The following EEPD1 variants were observed in gnomAD, a reference collection of about 807,000 sequenced individuals.
EEPD1 encodes endonuclease/exonuclease/phosphatase family domain containing 1.
Under a neutral mutation model 46.3 loss-of-function variants are expected in EEPD1, and 17 were observed. The observed-to-expected ratio is 0.37, with a 90% confidence interval of 0.25 to 0.55. The LOEUF is 0.55. Ranked by LOEUF, EEPD1 falls within the 20% of genes least tolerant of loss-of-function variation. The probability of loss-of-function intolerance (pLI) is 0.83; values close to 1 mark genes in which losing one functional copy is unlikely to be tolerated. For missense variants in EEPD1, 673 were observed against 745.6 expected (o/e 0.90, Z 1.13); for synonymous variants, 313 against 315.6 (o/e 0.99, Z 0.09).
chr7:36,199,095 C>T (rs1785665611), intron 2 of EEPD1, among the ~76,000 whole-genome samples: 1 of 152,092 alleles, frequency 6.6e-6, no homozygotes, highest in Admixed American at 6.5e-5. Flanking sequence ...TGCATGCACA[C>T]ATTCTTCCAC....
chr7:36,259,843 TAA>T (rs1786891855), intron 3 of EEPD1, among the ~76,000 whole-genome samples: 1 of 152,218 alleles, frequency 6.6e-6, no homozygotes, highest in South Asian at 2.1e-4. Context: ...TTATGTCTTC[TAA>T]AGTAGATAAG....
rs146789506 is a variant in EEPD1 at position 36,266,070 on chromosome 7, G to A, written c.931-15045G>A. ...GGGCATGTCTGGTGCAAATCATGGC[G>A]TGGCCATCCCTGTGTTTCCGCTCTC... On this transcript the variant is annotated intron_variant, in intron 3 of 7. Coordinates refer to ENST00000242108, the MANE Select transcript of EEPD1 (RefSeq NM_030636.3). Among the ~76,000 whole-genome samples, 529 of 152,208 alleles carry A rather than the reference G, an allele frequency of 3.5e-3. 3 individuals carry two copies. The highest frequency in any genetic ancestry group is 0.012 in the African/African-American group (494 of 41,512).
At chr7:36,254,414 T>G (rs1400933703) in intron 3 of EEPD1, among the ~76,000 whole-genome samples, 1 of 152,204 alleles carries the variant, frequency 6.6e-6, no homozygotes, top group African/African-American at 2.4e-5. Flanking sequence ...TTTCTGAGAA[T>G]GATGGTTTCC....
intron 2 of EEPD1, among the ~76,000 whole-genome samples, chr7:36,197,151 A>G (rs1178276211): frequency 7.4e-6 from 1 of 134,606 alleles, no homozygotes; most frequent in Non-Finnish European, 1.6e-5. Flanking sequence ...GCCCCGTCTG[A>G]GAAGTGAGGA....
intron 2 of EEPD1, among the ~76,000 whole-genome samples, chr7:36,169,949 T>C (rs1055663458): frequency 1.3e-5 from 2 of 152,228 alleles, no homozygotes; most frequent in African/African-American, 4.8e-5. Flanking sequence ...CAGGTGAGCT[T>C]TAGAAATTTC....
chr7:36,187,903 TCTC>T (rs1185439618), intron 2 of EEPD1, among the ~76,000 whole-genome samples: 1 of 152,184 alleles, frequency 6.6e-6, no homozygotes. Context: ...TTCAAGCGAT[TCTC>T]CTGCCTCAGC....
chr7:36,207,742 A>G (rs1317629826), intron 2 of EEPD1, among the ~76,000 whole-genome samples: 1 of 152,178 alleles, frequency 6.6e-6, no homozygotes, highest in Non-Finnish European at 1.5e-5. Context: ...TCATCATGCT[A>G]AAGTTCAGTA....
intron 2 of EEPD1, among the ~76,000 whole-genome samples, chr7:36,200,804 C>T (rs1057083794): frequency 4.5e-4 from 68 of 152,312 alleles, no homozygotes; most frequent in African/African-American, 1.6e-3. Context: ...CTGCTCATTG[C>T]TCCACGAGCC....
chr7:36,295,812 C>T (rs931864178), intron 6 of EEPD1, among the ~76,000 whole-genome samples: 4 of 152,050 alleles, frequency 2.6e-5, no homozygotes, highest in Non-Finnish European at 5.9e-5. Context: ...GGACGGATCA[C>T]TTGAGGTCAG....
intron 3 of EEPD1, among the ~76,000 whole-genome samples, chr7:36,278,110 G>A (rs1787208706): frequency 6.6e-6 from 1 of 152,192 alleles, no homozygotes; most frequent in Non-Finnish European, 1.5e-5. Flanking sequence ...TAGGTCAGGG[G>A]TAGAGCCTGA....
intron 2 of EEPD1, among the ~76,000 whole-genome samples, chr7:36,174,540 C>G (rs1179508041): frequency 6.6e-6 from 1 of 152,146 alleles, no homozygotes; most frequent in Non-Finnish European, 1.5e-5. Flanking sequence ...TTACACAGGC[C>G]CTGGTCTCCG....
chr7:36,291,005 C>T (rs749005607), intron 6 of EEPD1, among the ~76,000 whole-genome samples: 2 of 152,258 alleles, frequency 1.3e-5, no homozygotes, highest in Middle Eastern at 3.4e-3. Context: ...GTAAGAAATC[C>T]GATGTGCTCA....
At chr7:36,227,097 CAG>C (rs1554316471) in intron 2 of EEPD1, among the ~76,000 whole-genome samples, 2 of 151,970 alleles carry the variant, frequency 1.3e-5, no homozygotes, top group Non-Finnish European at 2.9e-5. Flanking sequence ...GAAACAGATG[CAG>C]AGGTGATTAT....
At chr7:36,160,693 A>G (rs1784891269) in intron 2 of EEPD1, among the ~76,000 whole-genome samples, 1 of 137,934 alleles carries the variant, frequency 7.2e-6, no homozygotes, top group Admixed American at 7.1e-5. Flanking sequence ...CGGGGCGTGC[A>G]TGGAGAGGGT....
At chr7:36,189,281 GT>G (rs1362158545) in intron 2 of EEPD1, among the ~76,000 whole-genome samples, 1 of 152,204 alleles carries the variant, frequency 6.6e-6, no homozygotes, top group Non-Finnish European at 1.5e-5. Flanking sequence ...CGAGAGGAGT[GT>G]TGATCTGAAT....
At chr7:36,221,098 T>C (rs1243548843) in intron 2 of EEPD1, among the ~76,000 whole-genome samples, 1 of 152,232 alleles carries the variant, frequency 6.6e-6, no homozygotes, top group Non-Finnish European at 1.5e-5. Flanking sequence ...CGTGAGCCAC[T>C]GCGTCCAGCC....
rs550502646 is a variant in EEPD1, at chr7:36,269,542, C to T, written c.931-11573C>T. 4.6e-5 allele frequency among the ~76,000 whole-genome samples: 7 copies of T among 152,046 alleles called. No homozygotes were observed. In the South Asian group the frequency reaches 8.3e-4, roughly 18 times the overall value. On this transcript the variant is annotated intron_variant, in intron 3 of 7. Transcript: ENST00000242108. ...ATCATATGTTTTGAGGGGTTAATGT[C>T]TTTGGTCATTCATACTCCAGGCCCC...
At position 36,300,094 on chromosome 7, in the gene EEPD1, C is replaced by G. The variant is rs1253715055; in HGVS notation, c.*888C>G. The G allele has an allele frequency of 6.6e-6, 1 of 152,378 alleles. No homozygotes were observed. Among genetic ancestry groups the G allele is most frequent in the Non-Finnish European group, 1.5e-5 (1 of 68,136 alleles). 9.4% of individuals were successfully genotyped at this position (152,378 alleles called of 1,614,324 possible). On this transcript the variant is annotated 3_prime_UTR_variant, in exon 8 of 8. Transcript: ENST00000242108. The stretch of plus-strand genomic sequence containing the variant: ...GTGGTATCACCTCCTCCCTCCTCCC[C>G]ACTCACTCCAGTTTTTAGCCCGGAG...
intron 2 of EEPD1, among the ~76,000 whole-genome samples, chr7:36,202,206 G>A (rs1785722981): frequency 6.6e-6 from 1 of 152,210 alleles, no homozygotes; most frequent in African/African-American, 2.4e-5. Flanking sequence ...ACTGAGAAAT[G>A]TGAAGATGGG....
Sources: allele counts gnomAD v4.1 joint callset (sites outside exome capture counted in the v4.1 genomes callset), GRCh38; gene constraint gnomAD v4.1.1; transcripts MANE v1.5; gene names NCBI Gene and HGNC (gene_info 2026-07-23, HGNC 2026-07-21).